Variants in SNX30 observed in about 807,000 individuals in gnomAD.
SNX30 encodes sorting nexin family member 30.
Under a neutral mutation model 46.4 loss-of-function variants are expected in SNX30, and 24 were observed. That is an observed-to-expected ratio of 0.52 (90% confidence interval 0.37 to 0.73). The LOEUF (loss-of-function observed/expected upper bound fraction) is 0.73. Ranked by LOEUF, SNX30 falls within the 30% of genes least tolerant of loss-of-function variation. SNX30 has a pLI of 0.00. For missense variants in SNX30, 533 were observed against 555.7 expected (o/e 0.96, Z 0.41); for synonymous variants, 189 against 211.5 (o/e 0.89, Z 0.92).
chr9:112,828,065 T>C (rs1238313919), intron 3 of SNX30, among the ~76,000 whole-genome samples: 1 of 152,232 alleles, frequency 6.6e-6, no homozygotes, highest in Non-Finnish European at 1.5e-5. Flanking sequence ...CAGTCAGTTA[T>C]ATAGTGCGTG....
rs766672427 is a variant in SNX30, at chr9:112,804,858, TTGA to T, written c.247_249del (p.Asp83del). ...TCTTCCCTTCTCAACAGACTTCAGC[TTGA>T]TGATGATATTGATGGTGAGACTAGA... On this transcript the variant is annotated inframe_deletion, in exon 2 of 9. Transcript: ENST00000374232. The T allele has an allele frequency of 9.3e-6, 15 of 1,613,974 alleles. No individual in the cohort carries two copies. In the Admixed American group the frequency reaches 1.3e-4, roughly 14 times the overall value.
At chr9:112,795,765 T>TCTCACACACACACA (rs34877094) in intron 1 of SNX30, among the ~76,000 whole-genome samples, 8,646 of 123,174 alleles carry the variant, frequency 0.07, 272 homozygotes, top group Non-Finnish European at 0.082. Context: ...CACAGTACAG[T>TCTCACACACACACA]CACACACACA....
chr9:112,828,895 T>G (rs1436858642), intron 3 of SNX30, among the ~76,000 whole-genome samples: 1 of 152,116 alleles, frequency 6.6e-6, no homozygotes, highest in Admixed American at 6.6e-5. Context: ...CCTGTACCCA[T>G]GAAGCAGTCA....
rs139781990 is a variant in SNX30 at position 112,822,536 on chromosome 9, G to GTTTTTTTTTTTTTTTTTT, written c.459+4725_459+4726insTTTTTTTTTTTTTTTTTT. Among the ~76,000 whole-genome samples the GTTTTTTTTTTTTTTTTTT allele has an allele frequency of 4.8e-5, 6 of 123,724 alleles. 2 individuals are homozygous for GTTTTTTTTTTTTTTTTTT. The highest frequency in any genetic ancestry group is 4.9e-5 in the Non-Finnish European group (3 of 60,952). The allele number at this position is 123,724 out of a possible 152,430, so 81.2% of individuals were successfully genotyped here. ...TTTTCTTTTGTCCCTTTGCTGTTTT[G>GTTTTTTTTTTTTTTTTTT]TTTTGTTTTTTTTTTTTGTAAGAAC... On this transcript the variant is annotated intron_variant, in intron 3 of 8. Coordinates refer to ENST00000374232, the MANE Select transcript of SNX30 (RefSeq NM_001012994.2).
At chr9:112,808,342 T>C (rs932784739) in intron 2 of SNX30, among the ~76,000 whole-genome samples, 1 of 152,208 alleles carries the variant, frequency 6.6e-6, no homozygotes, top group African/African-American at 2.4e-5. Context: ...ACAGAGCTCT[T>C]TTTGCCTGAG....
chr9:112,758,836 C>A (rs1839393611), intron 1 of SNX30, among the ~76,000 whole-genome samples: 1 of 151,174 alleles, frequency 6.6e-6, no homozygotes, highest in African/African-American at 2.5e-5. Flanking sequence ...TATAGTGAGA[C>A]CTTGTCTCTG....
chr9:112,759,932 A>G (rs752671630), intron 1 of SNX30, among the ~76,000 whole-genome samples: 3 of 152,172 alleles, frequency 2.0e-5, no homozygotes, highest in Non-Finnish European at 4.4e-5. Context: ...TGGGTGATGT[A>G]TATAGCGAAC....
At chr9:112,836,077 G>A in intron 4 of SNX30, 137 bp from the exon 5 acceptor site, 1 of 811,818 alleles carries the variant, frequency 1.2e-6, no homozygotes, top group Non-Finnish European at 1.9e-6. Context: ...CTGTGAATGT[G>A]ATTAGAGCCT....
At chr9:112,816,041 C>T (rs980506133) in intron 2 of SNX30, among the ~76,000 whole-genome samples, 10 of 152,234 alleles carry the variant, frequency 6.6e-5, no homozygotes, top group Admixed American at 3.9e-4. Context: ...GATGGGGTCT[C>T]GCTATGTTGC....
At chr9:112,791,471 GCAATTGC>G (rs1290668612) in intron 1 of SNX30, among the ~76,000 whole-genome samples, 1 of 130,284 alleles carries the variant, frequency 7.7e-6, no homozygotes, top group African/African-American at 2.9e-5. Context: ...GTGCAGTGGC[GCAATTGC>G]GCTGCTCACT....
chr9:112,846,840 C>T (rs1840945997), intron 6 of SNX30, among the ~76,000 whole-genome samples: 1 of 152,186 alleles, frequency 6.6e-6, no homozygotes, highest in South Asian at 2.1e-4. Flanking sequence ...TTGGTAGCTG[C>T]TGACCTTTGG....
chr9:112,785,383 GTTT>G (rs5900016), intron 1 of SNX30, among the ~76,000 whole-genome samples: 9 of 124,848 alleles, frequency 7.2e-5, no homozygotes, highest in Non-Finnish European at 6.9e-5. Flanking sequence ...GCCTGGCTAA[GTTT>G]TTTTTTTTTT....
intron 1 of SNX30, among the ~76,000 whole-genome samples, chr9:112,757,795 A>G (rs188682109): frequency 1.3e-5 from 2 of 151,964 alleles, no homozygotes; most frequent in Admixed American, 6.6e-5. Flanking sequence ...TCCTGCCTCT[A>G]TATTCAGTTC....
intron 6 of SNX30, among the ~76,000 whole-genome samples, chr9:112,843,821 G>C (rs1840896335): frequency 6.6e-6 from 1 of 152,070 alleles, no homozygotes; most frequent in South Asian, 2.1e-4. Flanking sequence ...CACCATGTTG[G>C]TGAGGCTGGT....
chr9:112,807,645 A>G (rs1840251894), intron 2 of SNX30, among the ~76,000 whole-genome samples: 1 of 152,222 alleles, frequency 6.6e-6, no homozygotes, highest in African/African-American at 2.4e-5. Context: ...AAACAGCCAA[A>G]TGACAAAGTG....
intron 1 of SNX30, among the ~76,000 whole-genome samples, chr9:112,784,471 C>G (rs10817382): frequency 0.29 from 44,436 of 152,052 alleles, 6,737 homozygotes; most frequent in South Asian, 0.46. Flanking sequence ...TGCTGCTTCC[C>G]CTAGAGCAGC....
chr9:112,793,246 C>G (rs1390425427), intron 1 of SNX30, among the ~76,000 whole-genome samples: 1 of 152,160 alleles, frequency 6.6e-6, no homozygotes, highest in Non-Finnish European at 1.5e-5. Flanking sequence ...TAGCTGCTCC[C>G]CCCATCTCAG....
chr9:112,759,632 G>A (rs902017722), intron 1 of SNX30, among the ~76,000 whole-genome samples: 4 of 151,992 alleles, frequency 2.6e-5, no homozygotes, highest in Non-Finnish European at 5.9e-5. Context: ...GGGAGGCTGA[G>A]GCAGGAGAAT....
At chr9:112,788,507 G>A (rs1217389183) in intron 1 of SNX30, among the ~76,000 whole-genome samples, 1 of 152,162 alleles carries the variant, frequency 6.6e-6, no homozygotes, top group Non-Finnish European at 1.5e-5. Context: ...GTCGTTCTAG[G>A]CACCTTCTTC....
Sources: allele counts gnomAD v4.1 joint callset (sites outside exome capture counted in the v4.1 genomes callset), GRCh38; gene constraint gnomAD v4.1.1; transcripts MANE v1.5; gene names NCBI Gene and HGNC (gene_info 2026-07-23, HGNC 2026-07-21).